The following FAM50A variants were observed in gnomAD, a reference collection of about 807,000 sequenced individuals.
The protein encoded by FAM50A is family with sequence similarity 50 member A.
In FAM50A, 6 loss-of-function variants were observed where a neutral mutation model predicts 35.5. The observed-to-expected ratio is 0.17, with a 90% CI of 0.09 to 0.33. The LOEUF is 0.33. FAM50A is among the 10% of genes least tolerant of loss of function. FAM50A has a pLI of 1.00. For missense variants in FAM50A, 145 were observed against 295.5 expected, an observed-to-expected ratio of 0.49 and a Z score of 3.73; for synonymous variants, 120 against 110.9, an observed-to-expected ratio of 1.08 and a Z score of -0.52.
rs2068801937 is a variant in FAM50A at position 154,450,555 on chromosome X, C to T, written c.*123C>T. ...AGGCACGCTGGGAGGAGGACGGCAG[C>T]TGCTCGTGTCCTGCCCCTGCCACAT... On this transcript the variant is annotated 3_prime_UTR_variant, in exon 13 of 13. Transcript: ENST00000393600. The T allele has an allele frequency of 1.5e-6, 1 of 673,302 alleles. No individual in the cohort carries two copies. Among genetic ancestry groups the T allele is most frequent in the Admixed American group, 2.9e-5 (1 of 34,039 alleles). 55.5% of individuals were successfully genotyped at this position (673,302 alleles called of 1,213,427 possible).
intron 4 of FAM50A, among the ~76,000 whole-genome samples, chrX:154,448,072 CTTTT>C (rs781847663): frequency 1.2e-5 from 1 of 82,879 alleles, no homozygotes; most frequent in Non-Finnish European, 2.2e-5. Flanking sequence ...TTTTTTCTTT[CTTTT>C]TTTTTTTTTT....
At chrX:154,445,297 C>G (rs2068777857) in intron 1 of FAM50A, 1 of 256,169 alleles carries the variant, frequency 3.9e-6, no homozygotes, top group South Asian at 7.6e-5. Flanking sequence ...CCACTCTGTT[C>G]TTGTTTGCCC....
chrX:154,448,072 C>CTTTTTTTTTTTTTTTTTT (rs781847663), intron 4 of FAM50A, among the ~76,000 whole-genome samples: 1,397 of 82,480 alleles, frequency 0.017, 87 homozygotes, highest in Non-Finnish European at 0.019. Context: ...TTTTTTCTTT[C>CTTTTTTTTTTTTTTTTTT]TTTTTTTTTT....
chrX:154,450,033 A>G lies in FAM50A; in HGVS notation c.834A>G (p.Pro278=), dbSNP rs2068798979. ...GCTGTCACTTCTCCCCTGCAGGACC[A>G]CTCTTCAACTTTGATGTTCATGACG... ...IVTKARGKSG[P]LFNFDVHDDV... Residue 278 remains proline (P), a synonymous_variant, in exon 11 of 13, where the codon CCA becomes CCG. Coordinates refer to ENST00000393600, the MANE Select transcript of FAM50A (RefSeq NM_004699.4). The G allele has an allele frequency of 8.3e-7, 1 of 1,207,967 alleles. No homozygotes were observed. Among genetic ancestry groups the G allele is most frequent in the Non-Finnish European group, 1.1e-6 (1 of 894,341 alleles).
chrX:154,449,735 C>A lies in FAM50A; in HGVS notation c.780C>A (p.His260Gln). 8.3e-7 allele frequency: 1 copy of A among 1,207,451 alleles called. No homozygotes were observed. Among genetic ancestry groups the A allele is most frequent in the Non-Finnish European group, 1.1e-6 (1 of 891,566 alleles). ...MYIKEDLIIP[H>Q]HHSFYDFIVT... ...TCAAGGAGGACTTGATCATCCCTCA[C>A]GTGAGTCCCTTCAGCCCCAGTACCC... Residue 260 changes from histidine (H) to glutamine (Q), a missense_variant and splice_region_variant, in exon 9 of 13, where the codon CAC becomes CAA. Coordinates refer to ENST00000393600, the MANE Select transcript of FAM50A (RefSeq NM_004699.4).
At chrX:154,445,983 T>C (rs1224556819) in intron 3 of FAM50A, 72 bp downstream of exon 3, 11 of 826,213 alleles carry the variant, frequency 1.3e-5, no homozygotes, top group Non-Finnish European at 2.0e-5. Flanking sequence ...CGGGCTCTTT[T>C]TGCACCCTGG....
chrX:154,446,883 C>T (rs966892212), intron 4 of FAM50A, among the ~76,000 whole-genome samples: 10 of 112,304 alleles, frequency 8.9e-5, no homozygotes, highest in African/African-American at 1.9e-4. Flanking sequence ...ACAGAAATTC[C>T]GAGGCTACTA....
rs2068801586 is a variant in FAM50A, at chrX:154,450,513, T to A, written c.*81T>A. 1 of 1,061,502 alleles carries A rather than the reference T, an allele frequency of 9.4e-7. No homozygotes were observed. Among genetic ancestry groups the A allele is most frequent in the African/African-American group, 1.9e-5 (1 of 53,781 alleles). 87.5% of individuals were successfully genotyped at this position (1,061,502 alleles called of 1,213,427 possible). A position where few individuals can be genotyped will look rare whatever the true frequency, so the allele number is the denominator to read the frequency against. On this transcript the variant is annotated 3_prime_UTR_variant, in exon 13 of 13. Transcript: ENST00000393600. ...TGTCACCGGGACTCCAGGCACCCGC[T>A]CCCCTGCGACCATGCCAGGCACGCT... is the stretch of plus-strand genomic sequence containing the variant.
In FAM50A at chrX:154,450,026, C is replaced by T; in HGVS notation, c.830-3C>T. Reference sequence around the variant, plus strand: ...ACATTGGGCTGTCACTTCTCCCCTGCAGGACCACTCTTCAACTTTGATGTT... The same window carrying T: ...ACATTGGGCTGTCACTTCTCCCCTGTAGGACCACTCTTCAACTTTGATGTT... On this transcript the variant is annotated splice_region_variant and splice_polypyrimidine_tract_variant and intron_variant, in intron 10 of 12. Transcript: ENST00000393600. 1.7e-6 allele frequency: 2 copies of T among 1,210,976 alleles called. No homozygotes were observed. The highest frequency in any genetic ancestry group is 1.7e-5 in the African/African-American group (1 of 57,721).
In FAM50A at chrX:154,445,970, G is replaced by A. The variant is rs782504392; in HGVS notation, c.296+59G>A. 6.2e-6 allele frequency: 6 copies of A among 972,119 alleles called. No homozygotes were observed. In the African/African-American group the frequency reaches 9.5e-5, roughly 15 times the overall value. 80.1% of individuals were successfully genotyped at this position (972,119 alleles called of 1,213,427 possible). A position where few individuals can be genotyped will look rare whatever the true frequency, so the allele number is the denominator to read the frequency against. The stretch of plus-strand genomic sequence containing the variant: ...CTAGTGCTTACGGGGTCCCGTGGCT[G>A]GTCGGGCTCTTTTTGCACCCTGGGG... On this transcript the variant is annotated intron_variant, in intron 3 of 12. Coordinates refer to ENST00000393600, the MANE Select transcript of FAM50A (RefSeq NM_004699.4).
Position 154,450,115 on chromosome X carries a change from C to T in FAM50A, c.900+16C>T, listed in dbSNP as rs1557200372. ...GAAGGATGAGGTACAGCGTAGGGGG[C>T]CGTGTGAGGGGGAACGGGTGTCCCT... On this transcript the variant is annotated intron_variant, in intron 11 of 12. Transcript: ENST00000393600. 9.1e-6 allele frequency: 11 copies of T among 1,205,211 alleles called. No homozygotes were observed. Among genetic ancestry groups the T allele is most frequent in the Non-Finnish European group, 1.1e-5 (10 of 889,958 alleles).
rs782137166 is a variant in FAM50A at position 154,444,515 on chromosome X, GAC to G, written c.111+171_111+172del. ...GCAGGGCACACAGAAGCAAGCCAGCGACAGTCTCATCTGTGAAATGGGCCTGG... is the reference window on the plus strand; with the variant it reads ...GCAGGGCACACAGAAGCAAGCCAGCGAGTCTCATCTGTGAAATGGGCCTGG... On this transcript the variant is annotated intron_variant, in intron 1 of 12. Transcript: ENST00000393600. The G allele has an allele frequency of 3.9e-3, 955 of 242,604 alleles. 6 individuals carry two copies. The highest frequency in any genetic ancestry group is 6.1e-3 in the Non-Finnish European group (832 of 136,519). 20.0% of individuals were successfully genotyped at this position (242,604 alleles called of 1,213,427 possible). A position where few individuals can be genotyped will look rare whatever the true frequency, so the allele number is the denominator to read the frequency against.
In FAM50A at chrX:154,444,162, CGCCGCTGCCGCT is replaced by C. The variant is rs1238847123; in HGVS notation, c.-66_-55del. ...CGTCAGCTGACTGTTCGGCCGCCAC[CGCCGCTGCCGCT>C]GCCGCTGTCGCTGTCGCCGCCGCCG... On this transcript the variant is annotated 5_prime_UTR_variant, in exon 1 of 13. Coordinates refer to ENST00000393600, the MANE Select transcript of FAM50A (RefSeq NM_004699.4). 20 of 320,952 alleles carry C rather than the reference CGCCGCTGCCGCT, an allele frequency of 6.2e-5. No individual in the cohort carries two copies. Among genetic ancestry groups the C allele is most frequent in the East Asian group, 4.1e-4 (2 of 4,832 alleles). 26.5% of individuals were successfully genotyped at this position (320,952 alleles called of 1,213,427 possible). A position where few individuals can be genotyped will look rare whatever the true frequency, so the allele number is the denominator to read the frequency against.
Position 154,445,846 on chromosome X carries a change from G to A in FAM50A, c.231G>A (p.Gln77=), listed in dbSNP as rs781942257. The A allele has an allele frequency of 9.1e-6, 11 of 1,209,638 alleles. No individual in the cohort carries two copies. The highest frequency in any genetic ancestry group is 2.3e-4 in the Middle Eastern group (1 of 4,256). Residue 77 remains glutamine, a synonymous_variant, in exon 3 of 13, where the codon CAG becomes CAA. Transcript: ENST00000393600. ...CCCTGAATGACATGAAGGCCAAGCA[G>A]GAGGCTCTGGTGAAGGAGCGGGAGA... ...LVTLNDMKAK[Q]EALVKEREKQ...
Position 154,444,191 on chromosome X carries a change from C to T in FAM50A, c.-45C>T, listed in dbSNP as rs1370072912. ...GCTGCCGCTGCCGCTGTCGCTGTCG[C>T]CGCCGCCGCCGCCCGCCGCCGCCGC... On this transcript the variant is annotated 5_prime_UTR_variant, in exon 1 of 13. Coordinates refer to ENST00000393600, the MANE Select transcript of FAM50A (RefSeq NM_004699.4). 4 of 497,477 alleles carry T rather than the reference C, an allele frequency of 8.0e-6. No individual in the cohort carries two copies. Among genetic ancestry groups the T allele is most frequent in the Admixed American group, 8.9e-5 (1 of 11,196 alleles). The allele number at this position is 497,477 out of a possible 1,213,427, so 41.0% of individuals were successfully genotyped here. A position where few individuals can be genotyped will look rare whatever the true frequency, so the allele number is the denominator to read the frequency against.
At chrX:154,445,417 GA>G (rs1234272011) in intron 1 of FAM50A, 15 of 441,476 alleles carry the variant, frequency 3.4e-5, no homozygotes, top group Non-Finnish European at 6.0e-5. Context: ...AGGGACCTGT[GA>G]TCCCCAGCAG....
At chrX:154,446,068 C>T (rs73638283) in intron 3 of FAM50A, among the ~76,000 whole-genome samples, 157 bp downstream of exon 3, 1,409 of 112,371 alleles carry the variant, frequency 0.013, 15 homozygotes, top group African/African-American at 0.042. Context: ...CCCGCCTCCT[C>T]GGGTCCACGC....
intron 2 of FAM50A, 42 bp from the exon 3 acceptor site, chrX:154,445,770 G>A: frequency 1.7e-6 from 2 of 1,190,629 alleles, no homozygotes; most frequent in Non-Finnish European, 2.3e-6. Context: ...TCTTCCGCTG[G>A]CCCTGCGACT....
chrX:154,445,753 G>A (rs782759848), intron 2 of FAM50A, 36 bp downstream of exon 2: 5 of 1,191,367 alleles, frequency 4.2e-6, no homozygotes, highest in Non-Finnish European at 4.6e-6. Flanking sequence ...CCCGGGCCCC[G>A]GGCCACTCTT....
Sources: gnomAD v4.1 joint callset for allele counts (sites outside exome capture counted in the v4.1 genomes callset) on GRCh38, gnomAD v4.1.1 for gene constraint, MANE v1.5 for transcripts, NCBI Gene and HGNC (gene_info 2026-07-23, HGNC 2026-07-21) for gene names.